Variants in IGSF3 observed in about 807,000 individuals in gnomAD.
The protein encoded by IGSF3 is glu-Trp-Ile EWI motif-containing protein 3.
In IGSF3, 23 loss-of-function variants were observed where a neutral mutation model predicts 114.4. The observed-to-expected ratio is 0.20, with a 90% confidence interval of 0.14 to 0.28. The LOEUF (loss-of-function observed/expected upper bound fraction) is 0.28. Among genes scored for constraint, IGSF3 ranks in the 10% least tolerant of loss-of-function variants. IGSF3 has a pLI of 1.00. For synonymous variants in IGSF3, 571 were observed against 645.2 expected (o/e 0.88, Z 1.74); for missense variants, 1,172 against 1,591.5 (o/e 0.74, Z 4.48).
Position 116,592,886 on chromosome 1 carries a change from T to C in IGSF3, c.2030-3782A>G, listed in dbSNP as rs559000262. Among the ~76,000 whole-genome samples, 1 of 152,276 alleles carries C rather than the reference T, an allele frequency of 6.6e-6. No individual in the cohort carries two copies. Among genetic ancestry groups the C allele is most frequent in the Non-Finnish European group, 1.5e-5 (1 of 68,036 alleles). On this transcript the variant is annotated intron_variant, in intron 7 of 10. Coordinates refer to ENST00000369486, the MANE Select transcript of IGSF3 (RefSeq NM_001007237.3). The surrounding 1 kb of genome is among the most constrained non-coding windows in gnomAD (Gnocchi z 4.5). Reference sequence around the variant, plus strand: ...TTTTCAAAAGGAGGGGCAATTCTGATTTTGATAGAAAAGAGAACATTTCAA... The same window carrying C: ...TTTTCAAAAGGAGGGGCAATTCTGACTTTGATAGAAAAGAGAACATTTCAA...
chr1:116,656,169 T>A (rs1648835900), intron 2 of IGSF3, among the ~76,000 whole-genome samples: 1 of 152,146 alleles, frequency 6.6e-6, no homozygotes, highest in Admixed American at 6.5e-5. Context: ...AAAAAATATA[T>A]TTGTGTAAGT....
At chr1:116,597,671 C>A (rs1250107116) in intron 7 of IGSF3, among the ~76,000 whole-genome samples, 1 of 152,222 alleles carries the variant, frequency 6.6e-6, no homozygotes, top group African/African-American at 2.4e-5. Context: ...CTCAAGACAC[C>A]CAAGACACAA....
chr1:116,597,160 T>C (rs939189911), intron 7 of IGSF3, among the ~76,000 whole-genome samples: 10 of 152,196 alleles, frequency 6.6e-5, no homozygotes, highest in Admixed American at 6.5e-4. Flanking sequence ...TTTGAGGAAG[T>C]GAGAATCTCT....
rs1489600224 is a variant in IGSF3, at chr1:116,609,638, G to A, written c.833-1307C>T. The stretch of plus-strand genomic sequence containing the variant: ...TCTGTTCCTCTAAAAAGAACACCGA[G>A]GTGGAAAAAATCCCATGGCAGAGAC... On this transcript the variant is annotated intron_variant, in intron 4 of 10. Transcript: ENST00000369486. Among the ~76,000 whole-genome samples, 4 of 152,144 alleles carry A rather than the reference G, an allele frequency of 2.6e-5. No homozygotes were observed. In the East Asian group the frequency reaches 5.8e-4, roughly 22 times the overall value.
Position 116,575,635 on chromosome 1 carries a change from A to AC in IGSF3, c.*1676dup, listed in dbSNP as rs2101263531. 6.6e-6 allele frequency: 1 copy of AC among 152,224 alleles called. No individual in the cohort carries two copies. Among genetic ancestry groups the AC allele is most frequent in the Non-Finnish European group, 1.5e-5 (1 of 68,030 alleles). The allele number at this position is 152,224 out of a possible 1,614,324, so 9.4% of individuals were successfully genotyped here. A position where few individuals can be genotyped will look rare whatever the true frequency, so the allele number is the denominator to read the frequency against. On this transcript the variant is annotated 3_prime_UTR_variant, in exon 11 of 11. Transcript: ENST00000369486. The surrounding 1 kb of genome is among the most constrained non-coding windows in gnomAD (Gnocchi z 5.6). ...CCCTGATGACTTTTTCCAAACTGTG[A>AC]CCCCCTCTTGGGATTCAGGATGTAA...
chr1:116,635,342 G>A (rs1371203927), intron 2 of IGSF3, among the ~76,000 whole-genome samples: 1 of 152,150 alleles, frequency 6.6e-6, no homozygotes, highest in Non-Finnish European at 1.5e-5. Context: ...GTTATAGTTG[G>A]CCTTCCCCAG....
Position 116,666,588 on chromosome 1 carries a change from T to G in IGSF3, c.-262A>C. 1 of 598,980 alleles carries G rather than the reference T, an allele frequency of 1.7e-6. No individual in the cohort carries two copies. The allele number at this position is 598,980 out of a possible 1,614,324, so 37.1% of individuals were successfully genotyped here. A position where few individuals can be genotyped will look rare whatever the true frequency, so the allele number is the denominator to read the frequency against. On this transcript the variant is annotated 5_prime_UTR_variant, in exon 2 of 11. It removes an upstream start codon present in the reference 5' UTR. Coordinates refer to ENST00000369486, the MANE Select transcript of IGSF3 (RefSeq NM_001007237.3). ...GAAGTCGCTCCCGGCTCCTGCCACA[T>G]CGTGTGCCTTGCAGTTTCCACTGAA...
chr1:116,604,825 C>G (rs867278422), intron 5 of IGSF3, among the ~76,000 whole-genome samples: 1 of 152,186 alleles, frequency 6.6e-6, no homozygotes, highest in South Asian at 2.1e-4. Flanking sequence ...TATCTGAATT[C>G]ACTCAATCAA....
Position 116,613,848 on chromosome 1 carries a change from T to C in IGSF3, c.749A>G (p.Glu250Gly). 3.7e-6 allele frequency: 6 copies of C among 1,613,966 alleles called. No homozygotes were observed. Among genetic ancestry groups the C allele is most frequent in the Non-Finnish European group, 5.1e-6 (6 of 1,179,870 alleles). ...CGACCCATCCGGATCCTGGATCCAC[T>C]CGGCGGCCTCGCAGTAGAATTCGCC... is the stretch of plus-strand genomic sequence containing the variant. ...DQGEFYCEAA[E>G]WIQDPDGSWY... The change falls in exon 4 of 11, where the codon GAG becomes GGG. Residue 250 changes from glutamate to glycine, a missense_variant. Transcript: ENST00000369486.
At position 116,663,173 on chromosome 1, in the gene IGSF3, A is replaced by T. The variant is rs184986943; in HGVS notation, c.43+3111T>A. ...GGTATATAACTCTTCCTGGCTACAC[A>T]AAATCAAAATGTGCTGTATGTGTCT... is the stretch of plus-strand genomic sequence containing the variant. On this transcript the variant is annotated intron_variant, in intron 2 of 10. Coordinates refer to ENST00000369486, the MANE Select transcript of IGSF3 (RefSeq NM_001007237.3). Among the ~76,000 whole-genome samples, 162 of 152,320 alleles carry T rather than the reference A, an allele frequency of 1.1e-3. 1 individual carries two copies. Among genetic ancestry groups the T allele is most frequent in the African/African-American group, 3.7e-3 (153 of 41,568 alleles).
rs548019866 is a variant in IGSF3, at chr1:116,608,045, T to C, written c.1119A>G (p.Lys373=). The C allele has an allele frequency of 1.1e-5, 17 of 1,613,938 alleles. No homozygotes were observed. The highest frequency in any genetic ancestry group is 1.3e-5 in the African/African-American group (1 of 75,044). ...CTCGCTCAGTCACCCGGCAGTTGTA[T>C]TTCCCGCTATCTTCCTGGCGGAGGT... ...IYHLRQEDSG[K]YNCRVTEREK... is the part of the protein sequence containing the mutation. The change falls in exon 5 of 11, where the codon AAA becomes AAG. Residue 373 remains lysine, a synonymous_variant. Transcript: ENST00000369486.
chr1:116,608,796 G>A (rs1006377566), intron 4 of IGSF3, among the ~76,000 whole-genome samples: 1 of 152,116 alleles, frequency 6.6e-6, no homozygotes, highest in Non-Finnish European at 1.5e-5. Context: ...AAATTACAGA[G>A]TGGCCTAGGT....
rs1648526016 is a variant in IGSF3 at position 116,649,187 on chromosome 1, C to T, written c.43+17097G>A. Among the ~76,000 whole-genome samples, 5 of 152,236 alleles carry T rather than the reference C, an allele frequency of 3.3e-5. 1 individual carries two copies. The highest frequency in any genetic ancestry group is 3.3e-4 in the Admixed American group (5 of 15,290). On this transcript the variant is annotated intron_variant, in intron 2 of 10. Transcript: ENST00000369486. The surrounding 1 kb of genome is among the most constrained non-coding windows in gnomAD (Gnocchi z 4.5). The stretch of plus-strand genomic sequence containing the variant: ...ACAGCCCTCCCCGTCTTGGCAGCCA[C>T]ACTTTCTGGCCCTAGCCCAAGGCTG...
In IGSF3 at chr1:116,638,410, C is replaced by T. The variant is rs1647931149; in HGVS notation, c.44-21953G>A. On this transcript the variant is annotated intron_variant, in intron 2 of 10. Transcript: ENST00000369486. This position sits in a 1 kb window ranked among gnomAD's most constrained non-coding sequence, Gnocchi z 4.1. ...AAACTACTGCCATACAGGTCTCCCA[C>T]AGCAGTTTCTCACCAGATAAACAAA... Among the ~76,000 whole-genome samples the T allele has an allele frequency of 6.6e-6, 1 of 152,238 alleles. No homozygotes were observed. Among genetic ancestry groups the T allele is most frequent in the South Asian group, 2.1e-4 (1 of 4,824 alleles).
Position 116,577,015 on chromosome 1 carries a change from T to C in IGSF3, c.*297A>G. ...CCCTGTAACATCTATCTGAGAATACTAGATAAATCTGTGAGTAGATGTGGC... is the reference window on the plus strand; with the variant it reads ...CCCTGTAACATCTATCTGAGAATACCAGATAAATCTGTGAGTAGATGTGGC... On this transcript the variant is annotated 3_prime_UTR_variant, in exon 11 of 11. Coordinates refer to ENST00000369486, the MANE Select transcript of IGSF3 (RefSeq NM_001007237.3). This position sits in a 1 kb window ranked among gnomAD's most constrained non-coding sequence, Gnocchi z 5.7. The C allele has an allele frequency of 2.8e-6, 1 of 357,876 alleles. No individual in the cohort carries two copies. Among genetic ancestry groups the C allele is most frequent in the East Asian group, 5.3e-5 (1 of 18,944 alleles). The allele number at this position is 357,876 out of a possible 1,614,324, so 22.2% of individuals were successfully genotyped here.
intron 4 of IGSF3, among the ~76,000 whole-genome samples, chr1:116,611,398 A>T (rs1437395198): frequency 6.6e-6 from 1 of 152,196 alleles, no homozygotes; most frequent in African/African-American, 2.4e-5. Context: ...ACATACGTGC[A>T]CATGAACACC....
chr1:116,595,414 G>A lies in IGSF3; in HGVS notation c.2029+4527C>T, dbSNP rs1449236079. ...GAAGGCAGAGGCCAGTCCTCTGAGG[G>A]ATGGGGCAGCCATCCCTCAGAATGT... On this transcript the variant is annotated intron_variant, in intron 7 of 10. Transcript: ENST00000369486. The surrounding 1 kb of genome is among the most constrained non-coding windows in gnomAD (Gnocchi z 4.2). Among the ~76,000 whole-genome samples, 1 of 152,182 alleles carries A rather than the reference G, an allele frequency of 6.6e-6. No homozygotes were observed. Among genetic ancestry groups the A allele is most frequent in the African/African-American group, 2.4e-5 (1 of 41,448 alleles).
intron 4 of IGSF3, among the ~76,000 whole-genome samples, chr1:116,611,428 C>A (rs1030482088): frequency 2.0e-5 from 3 of 152,154 alleles, no homozygotes; most frequent in Admixed American, 2.0e-4. Flanking sequence ...CCATGTCTAA[C>A]CTCCTAGGCA....
chr1:116,604,549 G>C (rs908706550), intron 5 of IGSF3, among the ~76,000 whole-genome samples: 1 of 152,208 alleles, frequency 6.6e-6, no homozygotes, highest in Non-Finnish European at 1.5e-5. Flanking sequence ...AGTAAGTATT[G>C]GGACGATAAC....
Sources: allele counts gnomAD v4.1 joint callset (sites outside exome capture counted in the v4.1 genomes callset), GRCh38; gene constraint gnomAD v4.1.1; non-coding constraint Gnocchi (gnomAD v3.1); transcripts MANE v1.5; gene names NCBI Gene and HGNC (gene_info 2026-07-23, HGNC 2026-07-21).